The following CENPW variants were observed in gnomAD, a reference collection of about 807,000 sequenced individuals.
The protein encoded by CENPW is cancer-up-regulated gene 2 protein.
In CENPW, 3 loss-of-function variants were observed where a neutral mutation model predicts 11.1. That is an observed-to-expected ratio of 0.27 (90% confidence interval 0.12 to 0.70). The LOEUF is 0.70. Ranked by LOEUF, CENPW falls within the 30% of genes least tolerant of loss-of-function variation. The pLI, the probability that CENPW is intolerant of heterozygous loss-of-function variation, is 0.77. For missense variants in CENPW, 100 were observed against 105.6 expected (o/e 0.95, Z 0.23); for synonymous variants, 38 against 42.0 (o/e 0.91, Z 0.37).
At chr6:126,430,918 T>C in the CENPW span, among the ~76,000 whole-genome samples, 1 of 150,956 alleles carries the variant, frequency 6.6e-6, no homozygotes, top group Non-Finnish European at 1.5e-5. Flanking sequence ...AGACTCCATC[T>C]CAAAAAAAAA....
At chr6:126,409,772 C>T in the CENPW span, among the ~76,000 whole-genome samples, 813 of 151,872 alleles carry the variant, frequency 5.4e-3, 7 homozygotes, top group African/African-American at 0.017. Flanking sequence ...ATATTTTTTA[C>T]GATTTTTCAC....
chr6:126,435,013 A>T, the CENPW span, among the ~76,000 whole-genome samples: 1 of 151,930 alleles, frequency 6.6e-6, no homozygotes, highest in African/African-American at 2.4e-5. Context: ...CAATAACTCA[A>T]TTATGGCCCC....
At chr6:126,373,488 C>T in the CENPW span, among the ~76,000 whole-genome samples, 1 of 152,198 alleles carries the variant, frequency 6.6e-6, no homozygotes, top group East Asian at 1.9e-4. Flanking sequence ...AACTTAATGG[C>T]TTACGACAGC....
the CENPW span, among the ~76,000 whole-genome samples, chr6:126,409,630 A>T: frequency 2.0e-4 from 30 of 152,040 alleles, no homozygotes; most frequent in African/African-American, 6.7e-4. Flanking sequence ...GATATATTGT[A>T]TTCCTGAATT....
the CENPW span, among the ~76,000 whole-genome samples, chr6:126,371,711 G>C: frequency 9.2e-5 from 14 of 152,060 alleles, no homozygotes; most frequent in Admixed American, 8.5e-4. Flanking sequence ...ATCTGGTCCT[G>C]GGCTTTTTTT....
At chr6:126,470,215 C>T in the CENPW span, among the ~76,000 whole-genome samples, 1 of 152,236 alleles carries the variant, frequency 6.6e-6, no homozygotes, top group Non-Finnish European at 1.5e-5. Flanking sequence ...CAGGTGCCTG[C>T]TCCTCTGCGC....
At chr6:126,472,076 A>C in the CENPW span, among the ~76,000 whole-genome samples, 933 of 152,342 alleles carry the variant, frequency 6.1e-3, 5 homozygotes, top group Non-Finnish European at 9.1e-3. Flanking sequence ...TGAACCTATC[A>C]TAAAGCTTCA....
downstream of CENPW, among the ~76,000 whole-genome samples, chr6:126,351,902 C>T (rs1021366702): frequency 3.3e-5 from 5 of 152,092 alleles, no homozygotes; most frequent in African/African-American, 1.2e-4. Context: ...CACCTTGTGG[C>T]TGTAGGTAAG....
At chr6:126,346,076 G>A in intron 1 of CENPW, 129 bp from the exon 2 acceptor site, 1 of 495,646 alleles carries the variant, frequency 2.0e-6, no homozygotes, top group Non-Finnish European at 3.6e-6. Flanking sequence ...ATTTTAAATA[G>A]AAGAGTTAAT....
At chr6:126,457,675 C>T in the CENPW span, among the ~76,000 whole-genome samples, 1 of 151,240 alleles carries the variant, frequency 6.6e-6, no homozygotes, top group Non-Finnish European at 1.5e-5. Flanking sequence ...GCAAGTACAG[C>T]AATGAGCTCA....
chr6:126,455,190 G>A, the CENPW span, among the ~76,000 whole-genome samples: 1 of 151,038 alleles, frequency 6.6e-6, no homozygotes, highest in East Asian at 2.0e-4. Context: ...AAAAAATTGA[G>A]GCATGACTTC....
the CENPW span, among the ~76,000 whole-genome samples, chr6:126,355,907 A>G: frequency 1.3e-5 from 2 of 152,172 alleles, no homozygotes; most frequent in African/African-American, 4.8e-5. Flanking sequence ...TCAACTAGCA[A>G]GGCTTAATAG....
the CENPW span, among the ~76,000 whole-genome samples, chr6:126,470,363 G>A: frequency 6.6e-6 from 1 of 152,260 alleles, no homozygotes; most frequent in Admixed American, 6.5e-5. Context: ...TTTTGGGCCT[G>A]TGGGTGTGCA....
At chr6:126,426,893 A>G in the CENPW span, among the ~76,000 whole-genome samples, 1 of 152,174 alleles carries the variant, frequency 6.6e-6, no homozygotes, top group Non-Finnish European at 1.5e-5. Context: ...GCTTTCATGT[A>G]AAAAATTGGA....
chr6:126,413,284 G>A, the CENPW span, among the ~76,000 whole-genome samples: 1 of 152,040 alleles, frequency 6.6e-6, no homozygotes, highest in Non-Finnish European at 1.5e-5. Flanking sequence ...GCACAAAATA[G>A]TCAAATTGTC....
chr6:126,453,603 C>T, the CENPW span, among the ~76,000 whole-genome samples: 2 of 151,130 alleles, frequency 1.3e-5, no homozygotes, highest in Non-Finnish European at 3.0e-5. Context: ...CACAAAAACA[C>T]ACTTAAGTAC....
the CENPW span, among the ~76,000 whole-genome samples, chr6:126,444,075 A>C: frequency 6.7e-6 from 1 of 150,338 alleles, no homozygotes; most frequent in Admixed American, 6.6e-5. Context: ...TTCCTTTATA[A>C]GTGACTTGGT....
At chr6:126,357,742 G>A in the CENPW span, among the ~76,000 whole-genome samples, 2 of 152,068 alleles carry the variant, frequency 1.3e-5, no homozygotes, top group Non-Finnish European at 2.9e-5. Flanking sequence ...CCAAGTAGCA[G>A]AGACTACAGG....
chr6:126,461,963 G>C, the CENPW span, among the ~76,000 whole-genome samples: 1 of 151,774 alleles, frequency 6.6e-6, no homozygotes, highest in Non-Finnish European at 1.5e-5. Flanking sequence ...AACATTGTAA[G>C]GTGAGTAAAT....
Sources: allele counts gnomAD v4.1 joint callset (sites outside exome capture counted in the v4.1 genomes callset), GRCh38; gene constraint gnomAD v4.1.1; transcripts MANE v1.5; gene names NCBI Gene and HGNC (gene_info 2026-07-23, HGNC 2026-07-21).